Variants in GALNT10 observed in about 807,000 individuals in gnomAD.
The protein encoded by GALNT10 is GalNAc transferase 10.
GALNT10 carries 41 observed loss-of-function variants against 75.0 expected under a neutral mutation model. That is an observed-to-expected ratio of 0.55 (90% CI 0.43 to 0.71). The LOEUF (loss-of-function observed/expected upper bound fraction) is 0.71. Among genes scored for constraint, GALNT10 ranks in the 30% least tolerant of loss-of-function variants. The pLI, the probability that GALNT10 is intolerant of heterozygous loss-of-function variation, is 0.00. For missense variants in GALNT10, 727 were observed against 818.5 expected (o/e 0.89, Z 1.36); for synonymous variants, 302 against 313.0 (o/e 0.96, Z 0.37).
rs57710576 is a variant in GALNT10 at position 154,363,492 on chromosome 5, GAAAAAAAA to G, written c.569-12763_569-12756del. ...AAGGATTTTGTGCCAGCGTTTATCT[GAAAAAAAA>G]AAAAAAAAAAAAAAAAAAAAAGGCT... On this transcript the variant is annotated intron_variant, in intron 4 of 11. Transcript: ENST00000297107. Among the ~76,000 whole-genome samples the G allele has an allele frequency of 2.8e-3, 106 of 37,524 alleles. 3 individuals carry two copies. The highest frequency in any genetic ancestry group is 1.8e-3 in the Non-Finnish European group (34 of 18,492). 24.6% of individuals were successfully genotyped at this position (37,524 alleles called of 152,430 possible).
At chr5:154,327,034 G>A (rs1277067000) in intron 3 of GALNT10, among the ~76,000 whole-genome samples, 1 of 151,906 alleles carries the variant, frequency 6.6e-6, no homozygotes, top group African/African-American at 2.4e-5. Flanking sequence ...TGGGCAACTT[G>A]GTGAAACCTT....
intron 4 of GALNT10, among the ~76,000 whole-genome samples, chr5:154,344,879 A>G (rs1351009985): frequency 6.6e-6 from 1 of 152,170 alleles, no homozygotes; most frequent in Non-Finnish European, 1.5e-5. Context: ...GGGTAATGAC[A>G]AGTCGTGCTC....
chr5:154,215,086 G>T (rs1752844658), intron 1 of GALNT10, among the ~76,000 whole-genome samples: 1 of 152,176 alleles, frequency 6.6e-6, no homozygotes, highest in African/African-American at 2.4e-5. Flanking sequence ...TAAAAGGGTT[G>T]CCTTTATTTT....
chr5:154,360,946 A>G (rs1169997157), intron 4 of GALNT10, among the ~76,000 whole-genome samples: 2 of 152,220 alleles, frequency 1.3e-5, no homozygotes, highest in South Asian at 4.1e-4. Flanking sequence ...AGCAAAGCCT[A>G]TATTTGATAC....
At chr5:154,247,069 G>C (rs150054325) in intron 1 of GALNT10, among the ~76,000 whole-genome samples, 2,732 of 152,224 alleles carry the variant, frequency 0.018, 79 homozygotes, top group African/African-American at 0.061. Context: ...AATAGGGAAT[G>C]CTTTCCCCAT....
At chr5:154,210,053 A>G (rs1441681993) in intron 1 of GALNT10, among the ~76,000 whole-genome samples, 1 of 152,200 alleles carries the variant, frequency 6.6e-6, no homozygotes, top group African/African-American at 2.4e-5. Context: ...AATTGAGGCT[A>G]AGGGATGGTT....
chr5:154,409,614 G>A lies in GALNT10; in HGVS notation c.1238G>A (p.Arg413His), dbSNP rs1217244433. Residue 413 changes from arginine (R) to histidine (H), a missense_variant, in exon 9 of 12, where the codon CGC (arginine) becomes CAC (histidine). By Grantham distance (29) the Arg-to-His change is conservative (BLOSUM62 0). Transcript: ENST00000297107. This position sits in a 1 kb window ranked among gnomAD's most constrained non-coding sequence, Gnocchi z 4.5. ...ATTTACCAGCGCCGGCCTGAATACC[G>A]CCACCTCTCCGCTGGGGATGTCGCA... ...EYIYQRRPEY[R>H]HLSAGDVAVQ... is the part of the protein sequence containing the mutation. 5.0e-6 allele frequency: 8 copies of A among 1,613,648 alleles called. No homozygotes were observed. Among genetic ancestry groups the A allele is most frequent in the African/African-American group, 4.0e-5 (3 of 74,906 alleles).
At chr5:154,284,234 G>C (rs1023578581) in intron 1 of GALNT10, among the ~76,000 whole-genome samples, 4 of 152,112 alleles carry the variant, frequency 2.6e-5, no homozygotes, top group Non-Finnish European at 4.4e-5. Context: ...GGAAACCAAG[G>C]CTTGTGAAAA....
intron 7 of GALNT10, chr5:154,392,720 A>G (rs908686293): frequency 2.6e-5 from 4 of 152,202 alleles, no homozygotes; most frequent in African/African-American, 9.7e-5. Context: ...ATCTCCAACT[A>G]TGAGATACGG....
At position 154,417,005 on chromosome 5, in the gene GALNT10, T is replaced by C. The variant is rs776752047; in HGVS notation, c.*33T>C. ...TGTCCCCTTGGCAGGCCCCCCAGGG[T>C]CTGGCACTCACTGCAGACTTCCTCT... On this transcript the variant is annotated 3_prime_UTR_variant, in exon 12 of 12. Transcript: ENST00000297107. 6.2e-7 allele frequency: 1 copy of C among 1,602,254 alleles called. No homozygotes were observed. Among genetic ancestry groups the C allele is most frequent in the South Asian group, 1.1e-5 (1 of 90,708 alleles).
At chr5:154,253,984 C>G (rs1753569398) in intron 1 of GALNT10, among the ~76,000 whole-genome samples, 1 of 152,114 alleles carries the variant, frequency 6.6e-6, no homozygotes, top group African/African-American at 2.4e-5. Context: ...CTACACTCAC[C>G]CATTACTGCA....
At chr5:154,319,895 C>T (rs1231238635) in intron 3 of GALNT10, among the ~76,000 whole-genome samples, 75 of 152,144 alleles carry the variant, frequency 4.9e-4, no homozygotes, top group Admixed American at 4.7e-3. Flanking sequence ...TCTTCTGTGT[C>T]GTCCCCAGGT....
chr5:154,415,728 A>G, intron 10 of GALNT10, 55 bp from the exon 11 acceptor site: 1 of 1,517,030 alleles, frequency 6.6e-7, no homozygotes, highest in Non-Finnish European at 8.9e-7. Context: ...AAAAATGGAG[A>G]AAAAAAGAAA....
At chr5:154,247,111 G>A (rs535264553) in intron 1 of GALNT10, among the ~76,000 whole-genome samples, 1 of 152,302 alleles carries the variant, frequency 6.6e-6, no homozygotes, top group Admixed American at 6.5e-5. Context: ...TCAAAGATCA[G>A]ATAGTTGTAG....
rs772272939 is a variant in GALNT10 at position 154,416,925 on chromosome 5, T to C, written c.1765T>C (p.Phe589Leu). The C allele has an allele frequency of 1.2e-6, 2 of 1,614,170 alleles. No individual in the cohort carries two copies. Among genetic ancestry groups the C allele is most frequent in the South Asian group, 2.2e-5 (2 of 91,090 alleles). Reference sequence around the variant, plus strand: ...ATCCTCTCTCACCCAGCAGTGGCTGTTTGAACACACCAACTCAACAGTCTT... The same window carrying C: ...ATCCTCTCTCACCCAGCAGTGGCTGCTTGAACACACCAACTCAACAGTCTT... The part of the protein sequence containing the change: ...NPSSLTQQWL[F>L]EHTNSTVLEK... Residue 589 changes from phenylalanine to leucine, a missense_variant, in exon 12 of 12, where the codon TTT becomes CTT. By Grantham distance (22) the Phe-to-Leu change is conservative (BLOSUM62 0). Transcript: ENST00000297107. This position sits in a 1 kb window ranked among gnomAD's most constrained non-coding sequence, Gnocchi z 4.5.
intron 1 of GALNT10, 54 bp from the exon 2 acceptor site, chr5:154,294,762 C>G: frequency 1.1e-6 from 1 of 921,590 alleles, no homozygotes; most frequent in Non-Finnish European, 1.8e-6. Context: ...ACTCCTGGGC[C>G]TGTGTTACTG....
chr5:154,210,557 C>T (rs913833070), intron 1 of GALNT10, among the ~76,000 whole-genome samples: 3 of 152,212 alleles, frequency 2.0e-5, no homozygotes, highest in Non-Finnish European at 4.4e-5. Flanking sequence ...ATTATACAGA[C>T]TTACAATAAG....
intron 3 of GALNT10, among the ~76,000 whole-genome samples, chr5:154,323,090 G>C (rs972716177): frequency 3.3e-5 from 5 of 152,206 alleles, no homozygotes; most frequent in Admixed American, 1.3e-4. Context: ...CTAGGAGATT[G>C]AATAGGGCTC....
At chr5:154,212,026 G>T (rs917810343) in intron 1 of GALNT10, among the ~76,000 whole-genome samples, 56 of 152,228 alleles carry the variant, frequency 3.7e-4, no homozygotes, top group Non-Finnish European at 1.2e-4. Flanking sequence ...GAATGTGGAA[G>T]AAGTTATGGA....
Sources: allele counts gnomAD v4.1 joint callset (sites outside exome capture counted in the v4.1 genomes callset), GRCh38; gene constraint gnomAD v4.1.1; non-coding constraint Gnocchi (gnomAD v3.1); transcripts MANE v1.5; gene names NCBI Gene and HGNC (gene_info 2026-07-23, HGNC 2026-07-21).